Variants in HINFP observed in about 807,000 individuals in gnomAD.
The protein encoded by HINFP is histone H4 transcription factor, also known as MBD2 (methyl-CpG-binding protein)-interacting zinc finger protein.
In HINFP, 20 loss-of-function variants were observed where a neutral mutation model predicts 50.1. The ratio of observed to expected loss-of-function variants is 0.40; its 90% confidence interval spans 0.28 to 0.58. The LOEUF is 0.58. HINFP is among the 20% of genes least tolerant of loss of function. The pLI, the probability that HINFP is intolerant of heterozygous loss-of-function variation, is 0.45. For synonymous variants in HINFP, 247 were observed against 243.7 expected, an observed-to-expected ratio of 1.01 and a Z score of -0.13; for missense variants, 505 against 664.1, an observed-to-expected ratio of 0.76 and a Z score of 2.63.
At chr11:119,123,343 A>G (rs1390143036) in intron 1 of HINFP, among the ~76,000 whole-genome samples, 3 of 152,060 alleles carry the variant, frequency 2.0e-5, no homozygotes, top group Non-Finnish European at 4.4e-5. Flanking sequence ...GACTCACCAC[A>G]GGGCTGACAC....
At chr11:119,133,390 C>A in intron 9 of HINFP, 171 bp downstream of exon 9, 1 of 707,570 alleles carries the variant, frequency 1.4e-6, no homozygotes, top group Non-Finnish European at 2.3e-6. Context: ...ACCAGCCTGG[C>A]CAACATGGTG....
intron 2 of HINFP, among the ~76,000 whole-genome samples, chr11:119,128,333 C>T (rs1418062079): frequency 1.3e-5 from 2 of 151,148 alleles, no homozygotes; most frequent in Non-Finnish European, 1.5e-5. Context: ...GAGATGGAGT[C>T]TCATTCTTGT....
Position 119,133,137 on chromosome 11 carries a change from T to A in HINFP, c.1057T>A (p.Cys353Ser). ...PRYKCHVCDK[C>S]FTRGNNLTVH... ...GTACAAATGTCATGTGTGTGACAAA[T>A]GCTTCACACGGGGCAACAACCTCAC... The change falls in exon 9 of 10, where the codon TGC becomes AGC. Residue 353 changes from cysteine (C) to serine (S), a missense_variant. By Grantham distance (112) the Cys-to-Ser change is moderately radical. Coordinates refer to ENST00000350777, the MANE Select transcript of HINFP (RefSeq NM_198971.3). The A allele has an allele frequency of 6.2e-7, 1 of 1,614,252 alleles. No homozygotes were observed. The highest frequency in any genetic ancestry group is 8.5e-7 in the Non-Finnish European group (1 of 1,180,044).
rs757720259 is a variant in HINFP, at chr11:119,131,615, G to A, written c.492G>A (p.Lys164=). 4 of 1,614,174 alleles carry A rather than the reference G, an allele frequency of 2.5e-6. No individual in the cohort carries two copies. The highest frequency in any genetic ancestry group is 1.7e-5 in the Admixed American group (1 of 60,020). The part of the protein sequence containing the change: ...SLCCEYEAVG[K]DNPVVLCGWK... The stretch of plus-strand genomic sequence containing the variant: ...GCTGTGAATACGAAGCAGTCGGCAA[G>A]GACAACCCGGTGGTGCTGTGTGGCT... Residue 164 remains lysine (K), a synonymous_variant, in exon 4 of 10, where the codon AAG becomes AAA. Coordinates refer to ENST00000350777, the MANE Select transcript of HINFP (RefSeq NM_198971.3). This position sits in a 1 kb window ranked among gnomAD's most constrained non-coding sequence, Gnocchi z 4.2.
intron 1 of HINFP, chr11:119,124,095 T>C (rs1947251282): frequency 1.3e-5 from 2 of 152,108 alleles, no homozygotes. Context: ...GCTAAGATCG[T>C]GAGCCACTGC....
At position 119,133,160 on chromosome 11, in the gene HINFP, C is replaced by T. The variant is rs779254316; in HGVS notation, c.1080C>T (p.Leu360=). The T allele has an allele frequency of 1.2e-6, 2 of 1,614,254 alleles. No individual in the cohort carries two copies. Among genetic ancestry groups the T allele is most frequent in the Non-Finnish European group, 8.5e-7 (1 of 1,180,048 alleles). ...CDKCFTRGNN[L]TVHLRKKHQF... ...AATGCTTCACACGGGGCAACAACCTCACCGTGCACCTTCGCAAGAAGCACC... is the reference window on the plus strand; with the variant it reads ...AATGCTTCACACGGGGCAACAACCTTACCGTGCACCTTCGCAAGAAGCACC... Residue 360 remains leucine (L), a synonymous_variant, in exon 9 of 10, where the codon CTC becomes CTT. Transcript: ENST00000350777.
intron 2 of HINFP, among the ~76,000 whole-genome samples, chr11:119,127,819 G>A (rs892593341): frequency 5.9e-5 from 9 of 151,404 alleles, no homozygotes; most frequent in African/African-American, 2.2e-4. Flanking sequence ...GGGACTATTG[G>A]CTTGTGCCAC....
At chr11:119,127,473 GT>G (rs57165169) in intron 2 of HINFP, 13,058 of 69,002 alleles carry the variant, frequency 0.19, 1,320 homozygotes, top group African/African-American at 0.42. Context: ...TTGTTGTTGT[GT>G]TTTTTTTTTT....
rs1452259144 is a variant in HINFP at position 119,135,750 on chromosome 11, T to A, written c.*1252T>A. On this transcript the variant is annotated 3_prime_UTR_variant, in exon 10 of 10. Coordinates refer to ENST00000350777, the MANE Select transcript of HINFP (RefSeq NM_198971.3). The stretch of plus-strand genomic sequence containing the variant: ...ATTCTATTACTAGAAAAACTAAGGC[T>A]GAATGCAGTGGTTCACGCCTGTAAT... The A allele has an allele frequency of 6.6e-6, 1 of 152,106 alleles. No homozygotes were observed. The highest frequency in any genetic ancestry group is 1.5e-5 in the Non-Finnish European group (1 of 68,022). The allele number at this position is 152,106 out of a possible 1,614,324, so 9.4% of individuals were successfully genotyped here.
rs775264816 is a variant in HINFP, at chr11:119,131,665, T to C, written c.523+19T>C. 8.1e-6 allele frequency: 13 copies of C among 1,607,424 alleles called. No homozygotes were observed. Among genetic ancestry groups the C allele is most frequent in the Non-Finnish European group, 1.1e-5 (13 of 1,173,958 alleles). ...TGGAAAGGTAGGGCTGCTTCTTAACTTGTGGCTTCTGGAGGAAACGCTGGG... is the reference window on the plus strand; with the variant it reads ...TGGAAAGGTAGGGCTGCTTCTTAACCTGTGGCTTCTGGAGGAAACGCTGGG... On this transcript the variant is annotated intron_variant, in intron 4 of 9. Transcript: ENST00000350777. This position sits in a 1 kb window ranked among gnomAD's most constrained non-coding sequence, Gnocchi z 4.2.
chr11:119,124,359 A>T (rs897013534), intron 1 of HINFP: 4 of 151,760 alleles, frequency 2.6e-5, no homozygotes, highest in African/African-American at 9.7e-5. Flanking sequence ...CAGAGTTCCC[A>T]CCTGTCTCAG....
chr11:119,121,902 C>G (rs553204825), intron 1 of HINFP: 2 of 152,508 alleles, frequency 1.3e-5, no homozygotes, highest in South Asian at 4.1e-4. Context: ...CTCCTTCCTT[C>G]TGTCCAAATT....
chr11:119,129,490 C>CT (rs59395600), intron 2 of HINFP, among the ~76,000 whole-genome samples: 10,056 of 124,136 alleles, frequency 0.081, 704 homozygotes, highest in South Asian at 0.16. Context: ...TTTTTCTTTT[C>CT]TTTTTTTTTT....
At position 119,130,874 on chromosome 11, in the gene HINFP, C is replaced by T. The variant is rs1469660673; in HGVS notation, c.331C>T (p.Pro111Ser). 1 of 1,614,196 alleles carries T rather than the reference C, an allele frequency of 6.2e-7. No individual in the cohort carries two copies. Among genetic ancestry groups the T allele is most frequent in the Non-Finnish European group, 8.5e-7 (1 of 1,180,042 alleles). The change falls in exon 3 of 10, where the codon CCC (proline) becomes TCC (serine). Residue 111 changes from proline (P) to serine (S), a missense_variant. Transcript: ENST00000350777. ...CTTGCAAAGCCAGGCTGACCTTGGCCCCTGCATCCTGGACTTCCAGAGCCG... is the reference window on the plus strand; with the variant it reads ...CTTGCAAAGCCAGGCTGACCTTGGCTCCTGCATCCTGGACTTCCAGAGCCG... ...QALQSQADLG[P>S]CILDFQSRNV... is the part of the protein sequence containing the mutation.
Position 119,131,697 on chromosome 11 carries a change from G to A in HINFP, c.523+51G>A. On this transcript the variant is annotated intron_variant, in intron 4 of 9. Coordinates refer to ENST00000350777, the MANE Select transcript of HINFP (RefSeq NM_198971.3). This position sits in a 1 kb window ranked among gnomAD's most constrained non-coding sequence, Gnocchi z 4.2. ...TTCTGGAGGAAACGCTGGGGTTCCT[G>A]AAGAGCTGGGACAGAAAGGGATAGG... 1 of 1,587,620 alleles carries A rather than the reference G, an allele frequency of 6.3e-7. No individual in the cohort carries two copies. Among genetic ancestry groups the A allele is most frequent in the Non-Finnish European group, 8.6e-7 (1 of 1,156,198 alleles).
intron 1 of HINFP, among the ~76,000 whole-genome samples, chr11:119,122,237 A>G (rs573724070): frequency 1.1e-4 from 17 of 152,342 alleles, no homozygotes; most frequent in Admixed American, 2.6e-4. Context: ...TAAAGAAGAC[A>G]GGAGGACAGT....
At chr11:119,133,808 C>T in intron 9 of HINFP, 1 of 558,370 alleles carries the variant, frequency 1.8e-6, no homozygotes, top group Non-Finnish European at 3.2e-6. Flanking sequence ...AAGGCCTTCT[C>T]ATAAATCCTT....
chr11:119,132,143 G>A (rs568792527), intron 5 of HINFP, 161 bp downstream of exon 5: 18 of 736,324 alleles, frequency 2.4e-5, no homozygotes, highest in Middle Eastern at 3.2e-4. Flanking sequence ...ATTCAGATTC[G>A]TAGGCATTGT....
At position 119,132,000 on chromosome 11, in the gene HINFP, G is replaced by T. The variant is rs781207531; in HGVS notation, c.676+18G>T. ...ATTGGATCGTAAGTAGTCAGAGGAA[G>T]TGGGGTGGATGCAGGCTGTCCTGCT... is the stretch of plus-strand genomic sequence containing the variant. On this transcript the variant is annotated intron_variant, in intron 5 of 9. Transcript: ENST00000350777. The surrounding 1 kb of genome is among the most constrained non-coding windows in gnomAD (Gnocchi z 4.2). The T allele has an allele frequency of 1.7e-5, 27 of 1,613,676 alleles. No homozygotes were observed. Among genetic ancestry groups the T allele is most frequent in the South Asian group, 5.5e-5 (5 of 91,066 alleles).
Sources: allele counts gnomAD v4.1 joint callset (sites outside exome capture counted in the v4.1 genomes callset), GRCh38; gene constraint gnomAD v4.1.1; non-coding constraint Gnocchi (gnomAD v3.1); transcripts MANE v1.5; gene names NCBI Gene and HGNC (gene_info 2026-07-23, HGNC 2026-07-21).